ERICH3: variants seen among roughly 807,000 people sequenced by gnomAD.
ERICH3 encodes the protein glutamate rich 3.
In ERICH3, 126 loss-of-function variants were observed where a neutral mutation model predicts 131.1. The ratio of observed to expected loss-of-function variants is 0.96; its 90% CI spans 0.83 to 1.11. The LOEUF is 1.11. ERICH3 is among the 50% of genes most tolerant of loss of function. The probability of loss-of-function intolerance (pLI) is 0.00; values close to 1 mark genes in which losing one functional copy is unlikely to be tolerated. For missense variants in ERICH3, 2,050 were observed against 1,810.7 expected (o/e 1.13, Z -2.40); for synonymous variants, 695 against 644.6 (o/e 1.08, Z -1.18).
chr1:74,599,945 A>G lies in ERICH3; in HGVS notation c.1490-14T>C, dbSNP rs1193493526. ...CTTCTTCATACTCTGAAATAGGAAA[A>G]TCTCCACTATAAGAATGAAAATAGA... On this transcript the variant is annotated splice_polypyrimidine_tract_variant and intron_variant, in intron 10 of 14. Coordinates refer to ENST00000326665, the MANE Select transcript of ERICH3 (RefSeq NM_001002912.5). 19 of 1,568,988 alleles carry G rather than the reference A, an allele frequency of 1.2e-5. 1 individual carries two copies. The South Asian group carries it at 1.6e-4, about 13-fold the overall frequency.
intron 3 of ERICH3, among the ~76,000 whole-genome samples, chr1:74,644,695 C>A (rs1330097067): frequency 1.1e-4 from 17 of 152,032 alleles, no homozygotes; most frequent in Admixed American, 1.1e-3. Flanking sequence ...CCCAGCATTA[C>A]CACTACTGCT....
At chr1:74,594,273 C>CGTGTGTGTGTGTGTGTGTGTGTGT (rs10655150) in intron 11 of ERICH3, among the ~76,000 whole-genome samples, 1 of 144,788 alleles carries the variant, frequency 6.9e-6, no homozygotes, top group African/African-American at 2.5e-5. Context: ...AAAAATGGGG[C>CGTGTGTGTGTGTGTGTGTGTGTGT]GTGTGTGTGT....
intron 6 of ERICH3, among the ~76,000 whole-genome samples, chr1:74,632,849 T>C (rs1646353458): frequency 6.6e-6 from 1 of 151,944 alleles, no homozygotes; most frequent in African/African-American, 2.4e-5. Context: ...TTCATATTGT[T>C]TTAGAGTTTA....
chr1:74,589,694 A>G lies in ERICH3; in HGVS notation c.2113T>C (p.Trp705Arg). 6.2e-7 allele frequency: 1 copy of G among 1,614,018 alleles called. No homozygotes were observed. Among genetic ancestry groups the G allele is most frequent in the Non-Finnish European group, 8.5e-7 (1 of 1,179,954 alleles). The change falls in exon 12 of 15, where the codon TGG becomes CGG. Residue 705 changes from tryptophan to arginine, a missense_variant. Physicochemically the swap from Trp to Arg is moderately radical, Grantham distance 101. Transcript: ENST00000326665. ...EEKEKDKSKL[W>R]EESTAQVKDK... is the part of the protein sequence containing the mutation. ...TTCACCTGAGCAGTGCTTTCTTCCC[A>G]AAGCTTACTCTTATCCTTTTCCTTT...
intron 1 of ERICH3, 141 bp from the exon 2 acceptor site, chr1:74,649,456 T>A (rs1449725807): frequency 3.5e-6 from 2 of 565,338 alleles, no homozygotes; most frequent in African/African-American, 3.8e-5. Context: ...TTAATAAACA[T>A]GTATTGAGTC....
intron 1 of ERICH3, among the ~76,000 whole-genome samples, chr1:74,669,440 G>A (rs1157276139): frequency 1.3e-5 from 2 of 152,082 alleles, no homozygotes. Flanking sequence ...AGCCAGAAGA[G>A]ACATATCATT....
At chr1:74,672,137 G>C (rs970244078) in intron 1 of ERICH3, among the ~76,000 whole-genome samples, 1 of 152,170 alleles carries the variant, frequency 6.6e-6, no homozygotes, top group African/African-American at 2.4e-5. Context: ...GGTCTAATCA[G>C]ATTCTAACTA....
In ERICH3 at chr1:74,571,659, C is replaced by T. The variant is rs79812061; in HGVS notation, c.4051G>A (p.Glu1351Lys). 2 of 1,614,212 alleles carry T rather than the reference C, an allele frequency of 1.2e-6. No homozygotes were observed. Among genetic ancestry groups the T allele is most frequent in the Non-Finnish European group, 8.5e-7 (1 of 1,180,042 alleles). ...ACCTCCCTCTCCTCTGCGGCTGTTT[C>T]TGCCGTTTCACCACCTCCGTGTAGA... ...EVLHGGGETA[E>K]TAAEEREVLA... The change falls in exon 14 of 15, where the codon GAA becomes AAA. Residue 1351 changes from glutamate to lysine, a missense_variant. Coordinates refer to ENST00000326665, the MANE Select transcript of ERICH3 (RefSeq NM_001002912.5).
chr1:74,663,912 T>C lies in ERICH3; in HGVS notation c.23+9585A>G, dbSNP rs935963198. ...CCTAAGGTCACTAAAGTCAGAGACA[T>C]ATGGTAGGAATTATTGAGCTAAGTT... On this transcript the variant is annotated intron_variant, in intron 1 of 14. Coordinates refer to ENST00000326665, the MANE Select transcript of ERICH3 (RefSeq NM_001002912.5). Among the ~76,000 whole-genome samples, 5 of 152,174 alleles carry C rather than the reference T, an allele frequency of 3.3e-5. No individual in the cohort carries two copies. The East Asian group carries it at 9.7e-4, about 29-fold the overall frequency.
chr1:74,610,320 G>T (rs958525979), intron 9 of ERICH3, among the ~76,000 whole-genome samples: 1 of 150,704 alleles, frequency 6.6e-6, no homozygotes, highest in African/African-American at 2.4e-5. Context: ...TATTGTTTAA[G>T]AAAATAGAAA....
chr1:74,652,107 G>A (rs1570909712), intron 1 of ERICH3, among the ~76,000 whole-genome samples: 1 of 152,148 alleles, frequency 6.6e-6, no homozygotes, highest in African/African-American at 2.4e-5. Flanking sequence ...TAGCTTGGTA[G>A]GACAGCTGAA....
intron 12 of ERICH3, 76 bp from the exon 13 acceptor site, chr1:74,577,012 A>G: frequency 7.2e-7 from 1 of 1,385,934 alleles, no homozygotes; most frequent in Non-Finnish European, 9.7e-7. Flanking sequence ...CCATCTCTCC[A>G]GTTGGGTCAG....
At chr1:74,590,354 CATT>C (rs1338291559) in intron 11 of ERICH3, among the ~76,000 whole-genome samples, 4 of 152,032 alleles carry the variant, frequency 2.6e-5, no homozygotes, top group Non-Finnish European at 5.9e-5. Context: ...ACGTTATTTC[CATT>C]ATTATTACAT....
In ERICH3 at chr1:74,606,867, G is replaced by C; in HGVS notation, c.1223C>G (p.Ser408Cys). 1 of 1,611,866 alleles carries C rather than the reference G, an allele frequency of 6.2e-7. No individual in the cohort carries two copies. Among genetic ancestry groups the C allele is most frequent in the Non-Finnish European group, 8.5e-7 (1 of 1,179,056 alleles). ...CTTTTCTTTCCTAGATTTCGGCAAAGACGGTTTTTTGTCAAGGCCCATTGC... is the reference window on the plus strand; with the variant it reads ...CTTTTCTTTCCTAGATTTCGGCAAACACGGTTTTTTGTCAAGGCCCATTGC... ...IIAMGLDKKP[S>C]LPKSRKEKST... The change falls in exon 10 of 15, where the codon TCT becomes TGT. Residue 408 changes from serine (S) to cysteine (C), a missense_variant. By Grantham distance (112) the Ser-to-Cys change is moderately radical (BLOSUM62 -1). Coordinates refer to ENST00000326665, the MANE Select transcript of ERICH3 (RefSeq NM_001002912.5).
intron 13 of ERICH3, among the ~76,000 whole-genome samples, chr1:74,575,706 GGATT>G (rs1437241600): frequency 6.6e-6 from 1 of 152,076 alleles, no homozygotes; most frequent in Non-Finnish European, 1.5e-5. Context: ...CTAAATTTAT[GGATT>G]AATTAAAGAA....
intron 4 of ERICH3, among the ~76,000 whole-genome samples, chr1:74,641,866 G>C (rs1646440650): frequency 6.6e-6 from 1 of 152,114 alleles, no homozygotes. Flanking sequence ...GCCAAATTCA[G>C]TAATAAAGTG....
chr1:74,662,047 C>G (rs752705652), intron 1 of ERICH3, among the ~76,000 whole-genome samples: 18 of 152,142 alleles, frequency 1.2e-4, no homozygotes, highest in Non-Finnish European at 2.1e-4. Flanking sequence ...TTTGCCCACA[C>G]TCCTGACTAC....
At chr1:74,630,690 C>A (rs1444969973) in intron 7 of ERICH3, among the ~76,000 whole-genome samples, 3 of 151,924 alleles carry the variant, frequency 2.0e-5, no homozygotes. Context: ...GCTCCTTTAT[C>A]TAAGGCCTGG....
At chr1:74,578,625 T>G (rs1278026324) in intron 12 of ERICH3, 3 of 152,360 alleles carry the variant, frequency 2.0e-5, no homozygotes, top group Non-Finnish European at 4.4e-5. Flanking sequence ...TGTCCTTTTT[T>G]CCTTCCTTCC....
Sources: allele counts gnomAD v4.1 joint callset (sites outside exome capture counted in the v4.1 genomes callset), GRCh38; gene constraint gnomAD v4.1.1; transcripts MANE v1.5; gene names NCBI Gene and HGNC (gene_info 2026-07-23, HGNC 2026-07-21).